GRID1: variants seen among roughly 807,000 people sequenced by gnomAD.
The protein encoded by GRID1 is glutamate receptor ionotropic, delta-1.
A neutral mutation model predicts 98.0 loss-of-function variants in GRID1; 28 were observed. The observed-to-expected ratio is 0.29, with a 90% CI of 0.21 to 0.39. The LOEUF (loss-of-function observed/expected upper bound fraction) is 0.39. GRID1 is among the 10% of genes least tolerant of loss of function. The pLI, the probability that GRID1 is intolerant of heterozygous loss-of-function variation, is 1.00. For missense variants in GRID1, 1,111 were observed against 1,340.5 expected, an observed-to-expected ratio of 0.83 and a Z score of 2.67; for synonymous variants, 553 against 538.5, an observed-to-expected ratio of 1.03 and a Z score of -0.37.
chr10:85,903,023 T>G (rs1841411374), intron 5 of GRID1, among the ~76,000 whole-genome samples: 1 of 152,106 alleles, frequency 6.6e-6, no homozygotes, highest in South Asian at 2.1e-4. Flanking sequence ...TTCGCATTTT[T>G]AGTAATGCAA....
At chr10:86,151,251 C>A (rs965406211) in intron 3 of GRID1, among the ~76,000 whole-genome samples, 1 of 152,180 alleles carries the variant, frequency 6.6e-6, no homozygotes, top group African/African-American at 2.4e-5. Context: ...GTCTGGTTTG[C>A]AATGCTGAGG....
intron 4 of GRID1, among the ~76,000 whole-genome samples, chr10:86,137,419 G>A (rs986649940): frequency 6.6e-6 from 1 of 152,152 alleles, no homozygotes. Flanking sequence ...CCACCCCCAA[G>A]CTTCACAGCA....
At position 85,916,813 on chromosome 10, in the gene GRID1, T is replaced by G. The variant is rs908877081; in HGVS notation, c.727-574A>C. ...CTCTCTATTAGTGTTTTGTTCTGTT[T>G]CTTTATGGCACTTGCCATCTTTGTG... On this transcript the variant is annotated intron_variant, in intron 4 of 15. Transcript: ENST00000327946. The surrounding 1 kb of genome is among the most constrained non-coding windows in gnomAD (Gnocchi z 4.0). 6.6e-6 allele frequency among the ~76,000 whole-genome samples: 1 copy of G among 152,246 alleles called. No homozygotes were observed. The highest frequency in any genetic ancestry group is 1.5e-5 in the Non-Finnish European group (1 of 68,046).
At position 85,649,350 on chromosome 10, in the gene GRID1, A is replaced by G. The variant is rs1843236344; in HGVS notation, c.1998-1953T>C. Among the ~76,000 whole-genome samples the G allele has an allele frequency of 3.9e-5, 6 of 152,352 alleles. No homozygotes were observed. The South Asian group carries it at 1.2e-3, about 32-fold the overall frequency. On this transcript the variant is annotated intron_variant, in intron 12 of 15. Coordinates refer to ENST00000327946, the MANE Select transcript of GRID1 (RefSeq NM_017551.3). ...ACATTACAGATGAAAGGAAACATAA[A>G]ATAACAAATTCGATGAAGAAATCTT...
chr10:86,242,393 C>T (rs1846651653), intron 2 of GRID1, among the ~76,000 whole-genome samples: 1 of 151,932 alleles, frequency 6.6e-6, no homozygotes, highest in Admixed American at 6.6e-5. Flanking sequence ...CCTTGAGAGC[C>T]TCAGGGGGCT....
intron 4 of GRID1, among the ~76,000 whole-genome samples, chr10:85,977,003 C>T (rs969281803): frequency 6.6e-6 from 1 of 152,234 alleles, no homozygotes; most frequent in Non-Finnish European, 1.5e-5. Context: ...GGTTCCAGCA[C>T]AGTCTTCTAC....
chr10:85,783,895 C>A (rs1405839776), intron 8 of GRID1, among the ~76,000 whole-genome samples: 1 of 152,204 alleles, frequency 6.6e-6, no homozygotes, highest in Non-Finnish European at 1.5e-5. Flanking sequence ...GATAGCCTGG[C>A]CACTCCCAGG....
intron 8 of GRID1, among the ~76,000 whole-genome samples, chr10:85,771,870 G>C (rs924830096): frequency 6.6e-6 from 1 of 152,032 alleles, no homozygotes; most frequent in Non-Finnish European, 1.5e-5. Flanking sequence ...CACAATAACA[G>C]TGGGAGACTT....
intron 4 of GRID1, among the ~76,000 whole-genome samples, chr10:86,130,416 A>G (rs1230056578): frequency 1.3e-5 from 2 of 152,220 alleles, no homozygotes; most frequent in East Asian, 3.9e-4. Context: ...TTTCACACAC[A>G]AATGTTGCCT....
intron 13 of GRID1, among the ~76,000 whole-genome samples, chr10:85,644,574 T>C (rs139231071): frequency 2.6e-5 from 4 of 152,356 alleles, no homozygotes; most frequent in African/African-American, 7.2e-5. Context: ...CATCTTTCTT[T>C]ATATTGTTAA....
intron 12 of GRID1, among the ~76,000 whole-genome samples, chr10:85,703,313 C>G (rs1171664123): frequency 6.6e-6 from 1 of 151,948 alleles, no homozygotes; most frequent in Non-Finnish European, 1.5e-5. Flanking sequence ...TGAACAGCGG[C>G]TAAATCATAG....
intron 4 of GRID1, among the ~76,000 whole-genome samples, chr10:86,095,729 T>C (rs1564673606): frequency 6.6e-6 from 1 of 152,164 alleles, no homozygotes; most frequent in African/African-American, 2.4e-5. Context: ...TTGGCGCAGA[T>C]GTGGTGAACA....
At chr10:85,613,199 T>G in intron 15 of GRID1, 1 of 610,918 alleles carries the variant, frequency 1.6e-6, no homozygotes, top group East Asian at 2.8e-5. Context: ...CAGCACTTTG[T>G]TCAAGCATGA....
In GRID1 at chr10:85,724,606, C is replaced by T. The variant is rs770855150; in HGVS notation, c.1604G>A (p.Arg535Gln). ...ERESVVDFSKRYMDYSVGILI... is the reference protein window; with the variant it reads ...ERESVVDFSKQYMDYSVGILI... ...AATCCCCACTGAATAGTCCATGTACCGCTTGCTGAAGTCCACAACGCTCTC... is the reference window on the plus strand; with the variant it reads ...AATCCCCACTGAATAGTCCATGTACTGCTTGCTGAAGTCCACAACGCTCTC... Residue 535 changes from arginine (R) to glutamine (Q), a missense_variant, in exon 11 of 16, where the codon CGG (arginine) becomes CAG (glutamine). This residue lies in a region of GRID1 where 762 missense variants were observed against 869.1 expected (regional missense o/e 0.88). Coordinates refer to ENST00000327946, the MANE Select transcript of GRID1 (RefSeq NM_017551.3). The T allele has an allele frequency of 4.3e-6, 7 of 1,613,230 alleles. No individual in the cohort carries two copies. The highest frequency in any genetic ancestry group is 1.3e-5 in the African/African-American group (1 of 74,902).
At chr10:86,348,408 TG>T (rs1416661184) in intron 2 of GRID1, among the ~76,000 whole-genome samples, 2 of 152,126 alleles carry the variant, frequency 1.3e-5, no homozygotes, top group African/African-American at 4.8e-5. Context: ...GAACTGAGAC[TG>T]GGATGAGACG....
chr10:86,123,939 C>G (rs933858458), intron 4 of GRID1, among the ~76,000 whole-genome samples: 2 of 152,186 alleles, frequency 1.3e-5, no homozygotes, highest in African/African-American at 4.8e-5. Context: ...CACCAAGGGC[C>G]CATGCAGGCG....
At chr10:85,983,035 T>G (rs994789855) in intron 4 of GRID1, among the ~76,000 whole-genome samples, 1 of 152,210 alleles carries the variant, frequency 6.6e-6, no homozygotes, top group African/African-American at 2.4e-5. Context: ...ATTAGCCAAT[T>G]TGGGGCCCAG....
chr10:85,811,830 T>C (rs1454295343), intron 8 of GRID1, among the ~76,000 whole-genome samples: 1 of 152,164 alleles, frequency 6.6e-6, no homozygotes, highest in Non-Finnish European at 1.5e-5. Context: ...AAGAGAGAGA[T>C]GGACATCCAG....
intron 4 of GRID1, among the ~76,000 whole-genome samples, chr10:86,127,654 G>C (rs926901355): frequency 6.6e-6 from 1 of 152,158 alleles, no homozygotes; most frequent in Non-Finnish European, 1.5e-5. Context: ...GCTGGAGATC[G>C]TGAGCACTTT....
Sources: allele counts gnomAD v4.1 joint callset (sites outside exome capture counted in the v4.1 genomes callset), GRCh38; gene constraint gnomAD v4.1.1; regional missense constraint gnomAD v4.1.1; non-coding constraint Gnocchi (gnomAD v3.1); transcripts MANE v1.5; gene names NCBI Gene and HGNC (gene_info 2026-07-23, HGNC 2026-07-21).